The following GMDS variants were observed in gnomAD, a reference collection of about 807,000 sequenced individuals.
GMDS encodes GDP-mannose 4,6-dehydratase, also known as GDP-mannose 4,6 dehydratase.
Under a neutral mutation model 49.9 loss-of-function variants are expected in GMDS, and 20 were observed. The ratio of observed to expected loss-of-function variants is 0.40; its 90% CI spans 0.28 to 0.58. GMDS has a LOEUF of 0.58. Among genes scored for constraint, GMDS ranks in the 20% least tolerant of loss-of-function variants. GMDS has a pLI of 0.42. For synonymous variants in GMDS, 177 were observed against 178.6 expected (o/e 0.99, Z 0.07); for missense variants, 362 against 481.4 (o/e 0.75, Z 2.32).
At chr6:2,094,869 C>T (rs189387184) in intron 4 of GMDS, among the ~76,000 whole-genome samples, 1 of 152,260 alleles carries the variant, frequency 6.6e-6, no homozygotes. Context: ...AGCATAGACA[C>T]CTGCAAAATC....
At chr6:2,170,080 G>A (rs1475858783) in intron 1 of GMDS, among the ~76,000 whole-genome samples, 3 of 152,134 alleles carry the variant, frequency 2.0e-5, no homozygotes, top group Non-Finnish European at 4.4e-5. Flanking sequence ...GCAGATGCCT[G>A]TAATCCCAGC....
chr6:2,117,261 G>A (rs1309615987), intron 3 of GMDS, among the ~76,000 whole-genome samples: 1 of 152,114 alleles, frequency 6.6e-6, no homozygotes, highest in Non-Finnish European at 1.5e-5. Context: ...CCTTCTAACA[G>A]CCAAACCATC....
intron 4 of GMDS, among the ~76,000 whole-genome samples, chr6:1,992,739 CT>C (rs1278827762): frequency 2.6e-5 from 4 of 152,206 alleles, no homozygotes; most frequent in African/African-American, 9.6e-5. Context: ...CTCAGTATTA[CT>C]GTCTTCAGTC....
rs1776023842 is a variant in GMDS, at chr6:2,136,740, T to C, written c.103-12009A>G. Reference sequence around the variant, plus strand: ...GTACCAAAAAAAACAAAGAAAATGTTTGTTATTTTAAAGTAAACTGGGCAT... The same window carrying C: ...GTACCAAAAAAAACAAAGAAAATGTCTGTTATTTTAAAGTAAACTGGGCAT... On this transcript the variant is annotated intron_variant, in intron 1 of 10. Transcript: ENST00000380815. 2.0e-5 allele frequency among the ~76,000 whole-genome samples: 3 copies of C among 151,808 alleles called. No individual in the cohort carries two copies. The South Asian group carries it at 6.2e-4, about 31-fold the overall frequency.
intron 7 of GMDS, among the ~76,000 whole-genome samples, chr6:1,859,697 C>G (rs190184134): frequency 6.9e-4 from 105 of 152,242 alleles, no homozygotes; most frequent in African/African-American, 2.1e-3. Flanking sequence ...AGACTGAGGT[C>G]TGCCCTTCCA....
At chr6:1,800,818 C>A (rs1014491487) in intron 7 of GMDS, among the ~76,000 whole-genome samples, 2 of 152,154 alleles carry the variant, frequency 1.3e-5, no homozygotes, top group African/African-American at 4.8e-5. Context: ...CAGCAAACAG[C>A]TGCAAGAAGT....
At chr6:1,638,579 G>T (rs1763235698) in intron 9 of GMDS, among the ~76,000 whole-genome samples, 1 of 150,450 alleles carries the variant, frequency 6.6e-6, no homozygotes, top group Non-Finnish European at 1.5e-5. Flanking sequence ...CTGGGCTCTG[G>T]GGGGCATTAT....
At chr6:1,803,626 T>C (rs1184573610) in intron 7 of GMDS, among the ~76,000 whole-genome samples, 2 of 152,186 alleles carry the variant, frequency 1.3e-5, no homozygotes, top group East Asian at 1.9e-4. Context: ...CAAACTCACA[T>C]TACAAATTTT....
rs1044193012 is a variant in GMDS at position 2,057,774 on chromosome 6, C to A, written c.345+57997G>T. Reference sequence around the variant, plus strand: ...CAATATCGGACTATAGCCACACTGTCCAGCAGAACTTTCTGTGGTAATAGA... The same window carrying A: ...CAATATCGGACTATAGCCACACTGTACAGCAGAACTTTCTGTGGTAATAGA... On this transcript the variant is annotated intron_variant, in intron 4 of 10. Transcript: ENST00000380815. 2.6e-5 allele frequency among the ~76,000 whole-genome samples: 4 copies of A among 152,258 alleles called. No homozygotes were observed. The East Asian group carries it at 7.7e-4, about 29-fold the overall frequency.
intron 1 of GMDS, among the ~76,000 whole-genome samples, chr6:2,137,476 G>A (rs2325803): frequency 0.02 from 3,055 of 152,124 alleles, 119 homozygotes; most frequent in African/African-American, 0.071. Flanking sequence ...TGGGATTACA[G>A]GCATGCGTCA....
At chr6:1,951,411 A>T (rs947750037) in intron 6 of GMDS, among the ~76,000 whole-genome samples, 4 of 152,230 alleles carry the variant, frequency 2.6e-5, no homozygotes, top group Admixed American at 6.5e-5. Flanking sequence ...TATGAAGCCC[A>T]TATTTAAAGG....
At chr6:1,987,528 A>C (rs1206887116) in intron 4 of GMDS, among the ~76,000 whole-genome samples, 2 of 152,206 alleles carry the variant, frequency 1.3e-5, no homozygotes, top group African/African-American at 2.4e-5. Context: ...ACCAGGACAC[A>C]ATCGTGAAGG....
chr6:1,663,413 T>C (rs1764144393), intron 9 of GMDS, among the ~76,000 whole-genome samples: 1 of 152,166 alleles, frequency 6.6e-6, no homozygotes, highest in Non-Finnish European at 1.5e-5. Flanking sequence ...CGTCCCAAAG[T>C]TCCCTAGAAG....
intron 9 of GMDS, among the ~76,000 whole-genome samples, chr6:1,661,532 T>C (rs1242633020): frequency 1.3e-5 from 2 of 152,130 alleles, no homozygotes; most frequent in Non-Finnish European, 2.9e-5. Flanking sequence ...GGGAATGTAG[T>C]TTGGAAGCAC....
At chr6:2,172,724 C>A (rs1234618176) in intron 1 of GMDS, among the ~76,000 whole-genome samples, 1 of 151,918 alleles carries the variant, frequency 6.6e-6, no homozygotes. Flanking sequence ...TGACAAAATG[C>A]AAAAAGTATT....
chr6:2,073,494 G>C (rs766103682), intron 4 of GMDS, among the ~76,000 whole-genome samples: 27 of 152,114 alleles, frequency 1.8e-4, no homozygotes, highest in Non-Finnish European at 1.0e-4. Flanking sequence ...TCATTTCTAT[G>C]TGTTGGGAAC....
intron 4 of GMDS, among the ~76,000 whole-genome samples, chr6:2,025,706 C>T (rs569760391): frequency 6.6e-6 from 1 of 152,060 alleles, no homozygotes; most frequent in Non-Finnish European, 1.5e-5. Flanking sequence ...GATGTATATA[C>T]CATGTAGCCA....
intron 7 of GMDS, among the ~76,000 whole-genome samples, chr6:1,818,831 C>G (rs1472353824): frequency 6.6e-6 from 1 of 152,056 alleles, no homozygotes; most frequent in Non-Finnish European, 1.5e-5. Context: ...GGTTTAAACT[C>G]CAGGTCCACT....
At chr6:2,007,990 T>C (rs1051848854) in intron 4 of GMDS, among the ~76,000 whole-genome samples, 2 of 152,236 alleles carry the variant, frequency 1.3e-5, no homozygotes, top group African/African-American at 4.8e-5. Context: ...CTTATCACCA[T>C]GTATTACAAA....
Sources: gnomAD v4.1 joint callset for allele counts (sites outside exome capture counted in the v4.1 genomes callset) on GRCh38, gnomAD v4.1.1 for gene constraint, MANE v1.5 for transcripts, NCBI Gene and HGNC (gene_info 2026-07-23, HGNC 2026-07-21) for gene names.